The following EIF4G3 variants were observed in gnomAD, a reference collection of about 807,000 sequenced individuals.
EIF4G3 encodes the protein eukaryotic translation initiation factor 4 gamma 3.
Under a neutral mutation model 186.4 loss-of-function variants are expected in EIF4G3, and 34 were observed. That is an observed-to-expected ratio of 0.18 (90% CI 0.14 to 0.24). The LOEUF (loss-of-function observed/expected upper bound fraction) is 0.24. EIF4G3 is among the 10% of genes least tolerant of loss of function. The probability of loss-of-function intolerance (pLI) is 1.00; values close to 1 mark genes in which losing one functional copy is unlikely to be tolerated. For synonymous variants in EIF4G3, 673 were observed against 679.5 expected (o/e 0.99, Z 0.15); for missense variants, 1,536 against 1,948.5 (o/e 0.79, Z 3.99).
chr1:21,135,149 C>T (rs1190487940), intron 2 of EIF4G3, among the ~76,000 whole-genome samples: 1 of 152,200 alleles, frequency 6.6e-6, no homozygotes, highest in Non-Finnish European at 1.5e-5. Flanking sequence ...AACCCATTTT[C>T]ATTATCTATA....
intron 14 of EIF4G3, among the ~76,000 whole-genome samples, chr1:20,906,345 T>A (rs2092085370): frequency 6.6e-6 from 1 of 152,208 alleles, no homozygotes; most frequent in South Asian, 2.1e-4. Flanking sequence ...ATGCATTTCC[T>A]CCAAAATTCT....
chr1:20,862,722 T>C (rs1177868367), intron 22 of EIF4G3, among the ~76,000 whole-genome samples: 1 of 152,194 alleles, frequency 6.6e-6, no homozygotes, highest in Non-Finnish European at 1.5e-5. Flanking sequence ...CCATGTAGTT[T>C]TCTAAATGGT....
At chr1:21,136,156 G>A (rs894555041) in intron 2 of EIF4G3, among the ~76,000 whole-genome samples, 10 of 151,596 alleles carry the variant, frequency 6.6e-5, no homozygotes, top group Admixed American at 3.3e-4. Context: ...GCAGTCCGCA[G>A]TCCGGCCTGG....
At chr1:21,114,986 G>T (rs2096791689) in intron 2 of EIF4G3, among the ~76,000 whole-genome samples, 1 of 152,106 alleles carries the variant, frequency 6.6e-6, no homozygotes, top group South Asian at 2.1e-4. Context: ...AACATGGTAA[G>T]ACCCCATCTC....
intron 10 of EIF4G3, among the ~76,000 whole-genome samples, chr1:20,974,769 G>A (rs1198439671): frequency 6.6e-6 from 1 of 152,086 alleles, no homozygotes; most frequent in Non-Finnish European, 1.5e-5. Context: ...TTGTCAATGT[G>A]GGAAAGAAAG....
intron 18 of EIF4G3, 176 bp downstream of exon 18, chr1:20,893,341 A>C: frequency 1.7e-6 from 1 of 604,548 alleles, no homozygotes; most frequent in South Asian, 6.3e-5. Context: ...AAGTAAAAAG[A>C]ACTCAAGTGT....
intron 2 of EIF4G3, among the ~76,000 whole-genome samples, chr1:21,170,293 A>G (rs1188441345): frequency 6.6e-6 from 1 of 152,216 alleles, no homozygotes; most frequent in Non-Finnish European, 1.5e-5. Flanking sequence ...AAAATAAACA[A>G]AAATCTCTGC....
chr1:20,815,606 G>A (rs943135185), intron 34 of EIF4G3, among the ~76,000 whole-genome samples: 1 of 151,874 alleles, frequency 6.6e-6, no homozygotes, highest in Non-Finnish European at 1.5e-5. Flanking sequence ...TCTGGGAAGT[G>A]AGGAGCCTCT....
At chr1:21,131,882 G>A (rs2097160216) in intron 2 of EIF4G3, among the ~76,000 whole-genome samples, 1 of 151,990 alleles carries the variant, frequency 6.6e-6, no homozygotes, top group African/African-American at 2.4e-5. Flanking sequence ...TGAGGTGGGA[G>A]GATCACCTGA....
intron 3 of EIF4G3, among the ~76,000 whole-genome samples, chr1:21,068,375 T>TTA (rs1219542911): frequency 2.9e-5 from 2 of 67,824 alleles, no homozygotes; most frequent in African/African-American, 9.8e-5. Flanking sequence ...ACTCTGTCTT[T>TTA]AAAAAAAAAA....
At position 21,117,599 on chromosome 1, in the gene EIF4G3, C is replaced by A. The variant is rs367694426; in HGVS notation, c.-271-28386G>T. Among the ~76,000 whole-genome samples, 12 of 151,500 alleles carry A rather than the reference C, an allele frequency of 7.9e-5. No homozygotes were observed. The East Asian group carries it at 2.3e-3, about 29-fold the overall frequency. ...CTGCTGCAAAGTATGAATAATAAGA[C>A]TGAGGGAGGTAAGAGAGAAAGGACT... On this transcript the variant is annotated intron_variant, in intron 2 of 36. Transcript: ENST00000602326.
Position 20,899,848 on chromosome 1 carries a change from G to A in EIF4G3, c.1848C>T (p.Asp616=). The A allele has an allele frequency of 6.2e-7, 1 of 1,613,986 alleles. No individual in the cohort carries two copies. Among genetic ancestry groups the A allele is most frequent in the South Asian group, 1.1e-5 (1 of 91,066 alleles). The stretch of plus-strand genomic sequence containing the variant: ...CTTCCACAGCTTTCACTTTTTTTAG[G>A]TCAGAGGGGTCTCTTTCAGGATGAA... ...QGFHPERDPS[D]LKKVKAVEEN... Residue 616 remains aspartate (D), a synonymous_variant, in exon 16 of 37, where the codon GAC becomes GAT. Transcript: ENST00000602326.
At chr1:20,849,830 G>A (rs2072671433) in intron 28 of EIF4G3, among the ~76,000 whole-genome samples, 4 of 152,060 alleles carry the variant, frequency 2.6e-5, no homozygotes, top group Admixed American at 2.6e-4. Context: ...AGTACATGAG[G>A]TCTTCACAAT....
intron 2 of EIF4G3, among the ~76,000 whole-genome samples, chr1:21,143,777 C>T (rs2097384383): frequency 6.6e-6 from 1 of 152,126 alleles, no homozygotes; most frequent in African/African-American, 2.4e-5. Context: ...TTTAAATTAC[C>T]TGGGTGTGGT....
At chr1:20,839,603 T>C (rs1343734580) in intron 30 of EIF4G3, among the ~76,000 whole-genome samples, 1 of 152,198 alleles carries the variant, frequency 6.6e-6, no homozygotes, top group Non-Finnish European at 1.5e-5. Flanking sequence ...CAAGCGATTC[T>C]TATGCCTCAG....
At chr1:20,808,553 T>C (rs1183197650) in intron 36 of EIF4G3, among the ~76,000 whole-genome samples, 22 of 151,956 alleles carry the variant, frequency 1.4e-4, no homozygotes, top group Non-Finnish European at 2.9e-5. Flanking sequence ...TGGTGGCGGG[T>C]GCCTGTAGTC....
intron 30 of EIF4G3, among the ~76,000 whole-genome samples, chr1:20,836,412 T>C (rs78255080): frequency 6.1e-4 from 93 of 152,104 alleles, no homozygotes; most frequent in African/African-American, 2.1e-3. Flanking sequence ...ACAGCCAATT[T>C]TTTTGTTAAT....
intron 12 of EIF4G3, among the ~76,000 whole-genome samples, chr1:20,960,498 T>C (rs1488238852): frequency 6.6e-6 from 1 of 152,092 alleles, no homozygotes; most frequent in African/African-American, 2.4e-5. Context: ...CAGTGGCTCA[T>C]AGCAGAAATC....
At chr1:21,002,083 T>C (rs2083661843) in intron 5 of EIF4G3, among the ~76,000 whole-genome samples, 1 of 152,244 alleles carries the variant, frequency 6.6e-6, no homozygotes, top group Admixed American at 6.5e-5. Context: ...CTGTATACTT[T>C]TGTGAAACAA....
Sources: gnomAD v4.1 joint callset for allele counts (sites outside exome capture counted in the v4.1 genomes callset) on GRCh38, gnomAD v4.1.1 for gene constraint, MANE v1.5 for transcripts, NCBI Gene and HGNC (gene_info 2026-07-23, HGNC 2026-07-21) for gene names.